The following DPP10 variants were observed in gnomAD, a reference collection of about 807,000 sequenced individuals.
DPP10 encodes the protein inactive dipeptidyl peptidase 10.
A neutral mutation model predicts 120.9 loss-of-function variants in DPP10; 33 were observed. The observed-to-expected ratio is 0.27, with a 90% CI of 0.21 to 0.37. The LOEUF (loss-of-function observed/expected upper bound fraction) is 0.37. Among genes scored for constraint, DPP10 ranks in the 10% least tolerant of loss-of-function variants. DPP10 has a pLI of 1.00. For synonymous variants in DPP10, 337 were observed against 326.1 expected (o/e 1.03, Z -0.36); for missense variants, 816 against 942.8 (o/e 0.87, Z 1.76).
intron 1 of DPP10, among the ~76,000 whole-genome samples, chr2:114,549,904 A>G (rs1372567902): frequency 1.3e-5 from 2 of 152,078 alleles, no homozygotes; most frequent in Non-Finnish European, 2.9e-5. Flanking sequence ...TGTGAGGTGA[A>G]TGGGGTGACG....
At chr2:115,567,174 C>T (rs1272058049) in intron 5 of DPP10, among the ~76,000 whole-genome samples, 2 of 151,190 alleles carry the variant, frequency 1.3e-5, no homozygotes, top group Non-Finnish European at 3.0e-5. Context: ...CACGGTTTTT[C>T]TCCCATGCTT....
intron 15 of DPP10, among the ~76,000 whole-genome samples, chr2:115,778,851 A>G (rs12992146): frequency 6.6e-6 from 1 of 151,854 alleles, no homozygotes; most frequent in Non-Finnish European, 1.5e-5. Context: ...ACCTCCTGGA[A>G]CGCATGTTCT....
intron 1 of DPP10, among the ~76,000 whole-genome samples, chr2:115,307,314 A>G (rs2061397765): frequency 6.6e-6 from 1 of 152,104 alleles, no homozygotes; most frequent in South Asian, 2.1e-4. Flanking sequence ...CATTTCTCAA[A>G]TGGTTTGTCA....
chr2:115,576,276 T>G (rs2081649789), intron 5 of DPP10, among the ~76,000 whole-genome samples: 1 of 152,178 alleles, frequency 6.6e-6, no homozygotes, highest in Non-Finnish European at 1.5e-5. Flanking sequence ...AATGGAAATT[T>G]CAACAATGAT....
intron 5 of DPP10, among the ~76,000 whole-genome samples, chr2:115,605,228 ATAATT>A (rs1422346357): frequency 6.6e-6 from 1 of 152,158 alleles, no homozygotes; most frequent in African/African-American, 2.4e-5. Flanking sequence ...CAAGGGTTAT[ATAATT>A]TAATGCTGAT....
chr2:115,802,192 T>G (rs1457176104), intron 19 of DPP10, among the ~76,000 whole-genome samples: 1 of 152,242 alleles, frequency 6.6e-6, no homozygotes, highest in African/African-American at 2.4e-5. Context: ...ATTTATCCAT[T>G]TCTTCTAGAT....
At chr2:115,002,263 G>A (rs1035334201) in intron 1 of DPP10, among the ~76,000 whole-genome samples, 6 of 152,060 alleles carry the variant, frequency 3.9e-5, no homozygotes, top group Non-Finnish European at 8.8e-5. Context: ...ACAAAAATAA[G>A]CAATGGGGAA....
At chr2:115,164,256 G>T (rs2052662770) in intron 1 of DPP10, among the ~76,000 whole-genome samples, 1 of 151,998 alleles carries the variant, frequency 6.6e-6, no homozygotes, top group Non-Finnish European at 1.5e-5. Flanking sequence ...CTTGACATAT[G>T]AAACGATGGA....
At chr2:115,463,207 C>T (rs578004524) in intron 3 of DPP10, among the ~76,000 whole-genome samples, 1 of 152,278 alleles carries the variant, frequency 6.6e-6, no homozygotes, top group East Asian at 1.9e-4. Context: ...TCTATACATG[C>T]ATTACTTTGT....
intron 1 of DPP10, among the ~76,000 whole-genome samples, chr2:114,756,673 G>A (rs1006128096): frequency 1.3e-5 from 2 of 152,112 alleles, no homozygotes; most frequent in Admixed American, 6.5e-5. Context: ...AGCATGGGAC[G>A]TACATTTACG....
chr2:114,659,936 G>A (rs1032229084), intron 1 of DPP10, among the ~76,000 whole-genome samples: 1 of 152,208 alleles, frequency 6.6e-6, no homozygotes, highest in Admixed American at 6.5e-5. Context: ...AGCCAGCAAA[G>A]AGGCATGGAA....
At chr2:115,453,126 A>G (rs2104988288) in intron 3 of DPP10, among the ~76,000 whole-genome samples, 1 of 151,710 alleles carries the variant, frequency 6.6e-6, no homozygotes, top group East Asian at 1.9e-4. Context: ...AATCCTTAAA[A>G]TAAGAAGGGT....
chr2:115,509,298 A>T (rs2077103018), intron 4 of DPP10, among the ~76,000 whole-genome samples: 2 of 152,188 alleles, frequency 1.3e-5, no homozygotes, highest in Non-Finnish European at 2.9e-5. Context: ...AATAATAAGT[A>T]AAATAAAAAG....
intron 2 of DPP10, among the ~76,000 whole-genome samples, chr2:115,335,211 T>A (rs1342637946): frequency 6.6e-6 from 1 of 152,002 alleles, no homozygotes; most frequent in Non-Finnish European, 1.5e-5. Context: ...ACCCCATATT[T>A]CAGTCACCTC....
chr2:114,858,431 A>C (rs1345534530), intron 1 of DPP10, among the ~76,000 whole-genome samples: 1 of 152,192 alleles, frequency 6.6e-6, no homozygotes, highest in Non-Finnish European at 1.5e-5. Flanking sequence ...CATGCTTTGG[A>C]GTATTTTATG....
chr2:114,915,397 A>C (rs535487138), intron 1 of DPP10, among the ~76,000 whole-genome samples: 1 of 152,218 alleles, frequency 6.6e-6, no homozygotes, highest in Non-Finnish European at 1.5e-5. Context: ...ACACTGTAAC[A>C]GTAGGAGACT....
chr2:115,019,612 A>G (rs1344088149), intron 1 of DPP10, among the ~76,000 whole-genome samples: 1 of 152,214 alleles, frequency 6.6e-6, no homozygotes, highest in Non-Finnish European at 1.5e-5. Flanking sequence ...ATTGAGGAAA[A>G]CTTTCCCAGC....
chr2:114,450,012 TA>T (rs547234443), intron 1 of DPP10, among the ~76,000 whole-genome samples: 1 of 152,070 alleles, frequency 6.6e-6, no homozygotes, highest in African/African-American at 2.4e-5. Flanking sequence ...ATTAATTCAG[TA>T]AAAAAATGCA....
At chr2:114,766,582 A>AT (rs141739876) in intron 1 of DPP10, among the ~76,000 whole-genome samples, 14,255 of 152,224 alleles carry the variant, frequency 0.094, 1,020 homozygotes, top group East Asian at 0.26. Flanking sequence ...ACACAATGGA[A>AT]TACTACTCAG....
Sources: allele counts gnomAD v4.1 joint callset (sites outside exome capture counted in the v4.1 genomes callset), GRCh38; gene constraint gnomAD v4.1.1; transcripts MANE v1.5; gene names NCBI Gene and HGNC (gene_info 2026-07-23, HGNC 2026-07-21).